Variants in PTPN22 observed in about 807,000 individuals in gnomAD.
PTPN22 encodes the protein protein tyrosine phosphatase non-receptor type 22.
PTPN22 carries 85 observed loss-of-function variants against 103.3 expected under a neutral mutation model. That is an observed-to-expected ratio of 0.82 (90% CI 0.69 to 0.99). The LOEUF is 0.99. Among genes scored for constraint, PTPN22 ranks in the 50% least tolerant of loss-of-function variants. The pLI, the probability that PTPN22 is intolerant of heterozygous loss-of-function variation, is 0.00. For synonymous variants in PTPN22, 323 were observed against 310.2 expected, an observed-to-expected ratio of 1.04 and a Z score of -0.43; for missense variants, 865 against 936.9, an observed-to-expected ratio of 0.92 and a Z score of 1.00.
intron 13 of PTPN22, 78 bp downstream of exon 13, chr1:113,837,512 A>G: frequency 1.0e-6 from 1 of 984,600 alleles, no homozygotes; most frequent in East Asian, 2.5e-5. Context: ...GAGAAGAGGG[A>G]AGAGGAGAAG....
chr1:113,857,912 T>A, intron 4 of PTPN22, 136 bp from the exon 5 acceptor site: 1 of 688,616 alleles, frequency 1.5e-6, no homozygotes. Context: ...AAAAAATAAA[T>A]CCTGGTGACT....
intron 1 of PTPN22, among the ~76,000 whole-genome samples, chr1:113,866,384 T>C (rs1666117651): frequency 6.6e-6 from 1 of 151,848 alleles, no homozygotes; most frequent in African/African-American, 2.4e-5. Flanking sequence ...GGTGGCACAC[T>C]CCTGTAGTCC....
intron 1 of PTPN22, among the ~76,000 whole-genome samples, chr1:113,867,593 A>G (rs1666220774): frequency 6.6e-6 from 1 of 152,220 alleles, no homozygotes; most frequent in Non-Finnish European, 1.5e-5. Context: ...TCTCTAAGAC[A>G]TATCTATTGC....
At chr1:113,849,590 A>T (rs201358530) in intron 10 of PTPN22, among the ~76,000 whole-genome samples, 1,935 of 76,666 alleles carry the variant, frequency 0.025, 57 homozygotes, top group African/African-American at 0.072. Context: ...TTATTTATTT[A>T]TTTATTTTTT....
chr1:113,858,590 A>G lies in PTPN22; in HGVS notation c.274-17T>C. ...ATAAACTCCCTAAAGGGGAACAGAA[A>G]TTACACGGGGTGACTACAAATAATA... On this transcript the variant is annotated splice_polypyrimidine_tract_variant and intron_variant, in intron 3 of 20. Transcript: ENST00000359785. 1 of 1,470,668 alleles carries G rather than the reference A, an allele frequency of 6.8e-7. No homozygotes were observed. Among genetic ancestry groups the G allele is most frequent in the East Asian group, 2.3e-5 (1 of 43,558 alleles). The allele number at this position is 1,470,668 out of a possible 1,614,324, so 91.1% of individuals were successfully genotyped here.
intron 20 of PTPN22, 80 bp from the exon 21 acceptor site, chr1:113,815,049 T>C (rs1415603843): frequency 2.0e-6 from 2 of 1,020,842 alleles, no homozygotes; most frequent in African/African-American, 1.6e-5. Flanking sequence ...GAGTATATTA[T>C]AATATATGCA....
Position 113,829,851 on chromosome 1 carries a change from A to G in PTPN22, c.2134+98T>C, listed in dbSNP as rs894563688. 11 of 1,279,562 alleles carry G rather than the reference A, an allele frequency of 8.6e-6. No homozygotes were observed. In the Admixed American group the frequency reaches 1.8e-4, roughly 21 times the overall value. The allele number at this position is 1,279,562 out of a possible 1,614,324, so 79.3% of individuals were successfully genotyped here. ...GCTTTTAAAATGTATTCTTTTGTGT[A>G]ATCATTTTTGTACCTTTCCATTTAG... On this transcript the variant is annotated intron_variant, in intron 17 of 20. Coordinates refer to ENST00000359785, the Ensembl canonical transcript of PTPN22.
intron 3 of PTPN22, 53 bp from the exon 4 acceptor site, chr1:113,858,626 A>C (rs1571452899): frequency 4.2e-5 from 46 of 1,104,176 alleles, no homozygotes; most frequent in South Asian, 6.1e-5. Flanking sequence ...CCCTGTTCTC[A>C]CCTAGTCCTC....
intron 11 of PTPN22, among the ~76,000 whole-genome samples, chr1:113,839,403 G>T (rs974404): frequency 0.58 from 83,413 of 144,036 alleles, 23,911 homozygotes; most frequent in African/African-American, 0.67. Flanking sequence ...TTTTTTTTTT[G>T]AATTAAGTTA....
chr1:113,867,188 C>G (rs746255824), intron 1 of PTPN22, among the ~76,000 whole-genome samples: 7 of 152,190 alleles, frequency 4.6e-5, no homozygotes, highest in Non-Finnish European at 1.0e-4. Context: ...AGTATAGTTG[C>G]ATCCTGCTGT....
At chr1:113,857,040 A>G (rs1334443176) in intron 5 of PTPN22, among the ~76,000 whole-genome samples, 4 of 152,220 alleles carry the variant, frequency 2.6e-5, no homozygotes, top group Admixed American at 6.5e-5. Flanking sequence ...AAATTTTCAA[A>G]CAGACATATT....
exon 13 of PTPN22, chr1:113,837,654 A>G: frequency 6.2e-7 from 1 of 1,604,922 alleles, no homozygotes. Context: ...GTGATAAAGA[A>G]TCATGTGAAT....
chr1:113,836,726 A>G lies in PTPN22; in HGVS notation c.1810+864T>C, dbSNP rs752462631. The stretch of plus-strand genomic sequence containing the variant: ...GAGGATTGCTTGAGGCCAGATTTTC[A>G]AGACCAGGCTGGGCAACATAGCAAG... On this transcript the variant is annotated intron_variant, in intron 13 of 20. Transcript: ENST00000359785. Among the ~76,000 whole-genome samples, 203 of 151,634 alleles carry G rather than the reference A, an allele frequency of 1.3e-3. 6 individuals are homozygous for G. The highest frequency in any genetic ancestry group is 2.9e-4 in the Non-Finnish European group (20 of 67,910).
At chr1:113,832,169 AG>A (rs1662605345) in intron 16 of PTPN22, among the ~76,000 whole-genome samples, 7 of 152,112 alleles carry the variant, frequency 4.6e-5, no homozygotes. Context: ...CTGACTCTAA[AG>A]CCCTTGTTTT....
intron 14 of PTPN22, 91 bp from the exon 15 acceptor site, chr1:113,834,530 AG>A (rs1423020188): frequency 3.8e-6 from 5 of 1,312,542 alleles, no homozygotes; most frequent in Non-Finnish European, 5.4e-6. Context: ...AAACATTGAA[AG>A]GACCTGAGAA....
rs973459393 is a variant in PTPN22 at position 113,821,333 on chromosome 1, G to GT, written c.2282-1680dup. 4.6e-5 allele frequency among the ~76,000 whole-genome samples: 7 copies of GT among 151,536 alleles called. No homozygotes were observed. The East Asian group carries it at 5.8e-4, about 13-fold the overall frequency. ...TTTTGTTTTGTTTGTTTGTTTTGGG[G>GT]TTTTTTTTGAGACAGTCTCACTCTG... On this transcript the variant is annotated intron_variant, in intron 19 of 20. Coordinates refer to ENST00000359785, the Ensembl canonical transcript of PTPN22.
chr1:113,856,220 G>A (rs1665053634), intron 7 of PTPN22, among the ~76,000 whole-genome samples, 162 bp downstream of exon 7: 1 of 152,136 alleles, frequency 6.6e-6, no homozygotes, highest in African/African-American at 2.4e-5. Context: ...TTTTTGCCAT[G>A]TCGGCCAGGC....
intron 19 of PTPN22, among the ~76,000 whole-genome samples, chr1:113,820,669 T>G (rs1183214001): frequency 2.0e-5 from 3 of 152,210 alleles, no homozygotes; most frequent in Non-Finnish European, 4.4e-5. Context: ...TTTTGCACAT[T>G]CTCTGTCTTG....
exon 2 of PTPN22, chr1:113,859,387 T>A (rs1287671805): frequency 6.2e-7 from 1 of 1,613,808 alleles, no homozygotes; most frequent in South Asian, 1.1e-5. Flanking sequence ...TTTCTTGATA[T>A]TCTTGGGCTT....
Sources: allele counts gnomAD v4.1 joint callset (sites outside exome capture counted in the v4.1 genomes callset), GRCh38; gene constraint gnomAD v4.1.1; transcripts MANE v1.5; gene names NCBI Gene and HGNC (gene_info 2026-07-23, HGNC 2026-07-21).